The following USP17L7 variants were observed in gnomAD, a reference collection of about 807,000 sequenced individuals.
The protein encoded by USP17L7 is ubiquitin specific peptidase 17 like family member 7, also known as inactive ubiquitin carboxyl-terminal hydrolase 17-like protein 7.
A neutral mutation model predicts 37.6 loss-of-function variants in USP17L7; 53 were observed. The observed-to-expected ratio is 1.41, with a 90% CI of 1.13 to 1.77. The LOEUF is 1.77. USP17L7 is among the 40% of genes most tolerant of loss of function. The probability of loss-of-function intolerance (pLI) is 0.00; values close to 1 mark genes in which losing one functional copy is unlikely to be tolerated. For synonymous variants in USP17L7, 330 were observed against 251.0 expected (o/e 1.31, Z -2.98); for missense variants, 914 against 645.0 (o/e 1.42, Z -4.52).
Position 12,133,241 on chromosome 8 carries a change from A to G in USP17L7, c.769T>C (p.Cys257Arg), listed in dbSNP as rs771551001. Residue 257 changes from cysteine to arginine, a missense_variant, in exon 1 of 1, where the codon TGT (cysteine) becomes CGT (arginine). Cys to Arg is a radical substitution (Grantham distance 180). Transcript: ENST00000530447. Reference sequence around the variant, plus strand: ...TTGGAGGCAGGCGCCTTCTGGAGACAAAGACCACAATGATAGGCATTCTCT... The same window carrying G: ...TTGGAGGCAGGCGCCTTCTGGAGACGAAGACCACAATGATAGGCATTCTCT... The part of the protein sequence containing the change: ...NGENAYHCGL[C>R]LQKAPASKTL... 3.6e-5 allele frequency: 55 copies of G among 1,509,074 alleles called. 2 individuals carry two copies. Among genetic ancestry groups the G allele is most frequent in the Non-Finnish European group, 4.9e-5 (54 of 1,111,482 alleles). 93.5% of individuals were successfully genotyped at this position (1,509,074 alleles called of 1,614,324 possible).
Position 12,133,486 on chromosome 8 carries a change from G to A in USP17L7, c.524C>T (p.Ala175Val), listed in dbSNP as rs563967441. The A allele has an allele frequency of 5.8e-4, 857 of 1,474,076 alleles. 91 individuals carry two copies. The highest frequency in any genetic ancestry group is 6.8e-4 in the Non-Finnish European group (739 of 1,080,558). The allele number at this position is 1,474,076 out of a possible 1,614,324, so 91.3% of individuals were successfully genotyped here. Residue 175 changes from alanine (A) to valine (V), a missense_variant, in exon 1 of 1, where the codon GCA becomes GTA. Physicochemically the swap from Ala to Val is moderately conservative, Grantham distance 64 (BLOSUM62 0). Coordinates refer to ENST00000530447, the MANE Select transcript of USP17L7 (RefSeq NM_001256869.2). ...LMFTVDAMKK[A>V]CLPGHKQLDH... ...TAGCTGCTTGTGCCCGGGAAGGCAT[G>A]CCTTTTTCATGGCATCCACAGTAAA... is the stretch of plus-strand genomic sequence containing the variant.
rs554777805 is a variant in USP17L7 at position 12,134,099 on chromosome 8, C to G, written c.-90G>C. On this transcript the variant is annotated 5_prime_UTR_variant, in exon 1 of 1. Transcript: ENST00000530447. ...TCTTCCGAGAGAGTCTTCAAATGAC[C>G]AGCTCTCTGGCCGCATCAGCCCTTA... is the stretch of plus-strand genomic sequence containing the variant. The G allele has an allele frequency of 1.0e-3, 785 of 785,488 alleles. 174 individuals are homozygous for G. In the East Asian group the frequency reaches 0.018, roughly 18 times the overall value. 48.7% of individuals were successfully genotyped at this position (785,488 alleles called of 1,614,324 possible).
chr8:12,133,869 G>C lies in USP17L7; in HGVS notation c.141C>G (p.Thr47=). Reference sequence around the variant, plus strand: ...CCAAATCATCACAGAGGTCGAAACGGGTCTCAGATGAGAGTGGTGACTTTT... The same window carrying C: ...CCAAATCATCACAGAGGTCGAAACGCGTCTCAGATGAGAGTGGTGACTTTT... The part of the protein sequence containing the change: ...LSEKSPLSSE[T]RFDLCDDLAP... The change falls in exon 1 of 1, where the codon ACC becomes ACG. Residue 47 remains threonine, a synonymous_variant. Transcript: ENST00000530447. The C allele has an allele frequency of 6.6e-7, 1 of 1,519,832 alleles. No homozygotes were observed. The highest frequency in any genetic ancestry group is 8.9e-7 in the Non-Finnish European group (1 of 1,118,686). The allele number at this position is 1,519,832 out of a possible 1,614,324, so 94.1% of individuals were successfully genotyped here.
chr8:12,133,091 T>G lies in USP17L7; in HGVS notation c.919A>C (p.Met307Leu). Reference sequence around the variant, plus strand: ...AGAGGTCCTGTGTTCTGCTGAGACATGTATGGCTGCATGTCACGGCACTTA... The same window carrying G: ...AGAGGTCCTGTGTTCTGCTGAGACAGGTATGGCTGCATGTCACGGCACTTA... ...YPKCRDMQPY[M>L]SQQNTGPLVY... is the part of the protein sequence containing the mutation. The change falls in exon 1 of 1, where the codon ATG becomes CTG. Residue 307 changes from methionine to leucine, a missense_variant. Transcript: ENST00000530447. 1 of 1,484,748 alleles carries G rather than the reference T, an allele frequency of 6.7e-7. No individual in the cohort carries two copies. Among genetic ancestry groups the G allele is most frequent in the Non-Finnish European group, 9.2e-7 (1 of 1,087,632 alleles). 92.0% of individuals were successfully genotyped at this position (1,484,748 alleles called of 1,614,324 possible). A position where few individuals can be genotyped will look rare whatever the true frequency, so the allele number is the denominator to read the frequency against.
chr8:12,132,902 G>A lies in USP17L7; in HGVS notation c.1108C>T (p.Leu370Phe), dbSNP rs1306770510. Residue 370 changes from leucine (L) to phenylalanine (F), a missense_variant, in exon 1 of 1, where the codon CTC (leucine) becomes TTC (phenylalanine). Transcript: ENST00000530447. ...TSVLSQQAYV[L>F]FYIQKSEWER... is the part of the protein sequence containing the mutation. Reference sequence around the variant, plus strand: ...CATTCACTCTTCTGGATGTAAAAGAGGACATAGGCCTGTTGACTCAGGACA... The same window carrying A: ...CATTCACTCTTCTGGATGTAAAAGAAGACATAGGCCTGTTGACTCAGGACA... The A allele has an allele frequency of 7.3e-6, 11 of 1,497,782 alleles. No homozygotes were observed. The highest frequency in any genetic ancestry group is 1.8e-5 in the Admixed American group (1 of 57,068). The allele number at this position is 1,497,782 out of a possible 1,614,324, so 92.8% of individuals were successfully genotyped here.
In USP17L7 at chr8:12,133,006, T is replaced by C. The variant is rs1554472076; in HGVS notation, c.1004A>G (p.Tyr335Cys). The change falls in exon 1 of 1, where the codon TAC becomes TGC. Residue 335 changes from tyrosine to cysteine, a missense_variant. Physicochemically the swap from Tyr to Cys is radical, Grantham distance 194 (BLOSUM62 -2). Coordinates refer to ENST00000530447, the MANE Select transcript of USP17L7 (RefSeq NM_001256869.2). ...TTCTTGAGCTTTGACATAAGAGAAG[T>C]AATGTCCGTTGTGACAACTCCACCC... is the stretch of plus-strand genomic sequence containing the variant. ...HAGWSCHNGHYFSYVKAQEGQ... is the reference protein window; with the variant it reads ...HAGWSCHNGHCFSYVKAQEGQ... The C allele has an allele frequency of 6.5e-7, 1 of 1,527,386 alleles. No homozygotes were observed. Among genetic ancestry groups the C allele is most frequent in the Non-Finnish European group, 8.9e-7 (1 of 1,123,974 alleles). The allele number at this position is 1,527,386 out of a possible 1,614,324, so 94.6% of individuals were successfully genotyped here. A position where few individuals can be genotyped will look rare whatever the true frequency, so the allele number is the denominator to read the frequency against.
At position 12,133,234 on chromosome 8, in the gene USP17L7, T is replaced by G. The variant is rs778539519; in HGVS notation, c.776A>C (p.Gln259Pro). Residue 259 changes from glutamine (Q) to proline (P), a missense_variant, in exon 1 of 1, where the codon CAG becomes CCG. Physicochemically the swap from Gln to Pro is moderately conservative, Grantham distance 76. Coordinates refer to ENST00000530447, the MANE Select transcript of USP17L7 (RefSeq NM_001256869.2). ...ENAYHCGLCL[Q>P]KAPASKTLTL... The stretch of plus-strand genomic sequence containing the variant: ...TAACGTCTTGGAGGCAGGCGCCTTC[T>G]GGAGACAAAGACCACAATGATAGGC... 2 of 1,505,406 alleles carry G rather than the reference T, an allele frequency of 1.3e-6. No homozygotes were observed. Among genetic ancestry groups the G allele is most frequent in the South Asian group, 2.5e-5 (2 of 80,452 alleles). 93.3% of individuals were successfully genotyped at this position (1,505,406 alleles called of 1,614,324 possible).
Position 12,133,928 on chromosome 8 carries a change from C to A in USP17L7, c.82G>T (p.Ala28Ser). 1 of 1,415,286 alleles carries A rather than the reference C, an allele frequency of 7.1e-7. No homozygotes were observed. The highest frequency in any genetic ancestry group is 9.7e-7 in the Non-Finnish European group (1 of 1,025,728). The allele number at this position is 1,415,286 out of a possible 1,614,324, so 87.7% of individuals were successfully genotyped here. Reference sequence around the variant, plus strand: ...GAAGTCCGCTGGATTTCAGCAAAAGCTGCATCTAGCCGAGAAGATGTGAGT... The same window carrying A: ...GAAGTCCGCTGGATTTCAGCAAAAGATGCATCTAGCCGAGAAGATGTGAGT... Reference protein sequence around the residue: ...SKLTSSRLDAAFAEIQRTSLS... With the variant: ...SKLTSSRLDASFAEIQRTSLS... The change falls in exon 1 of 1, where the codon GCT (alanine) becomes TCT (serine). Residue 28 changes from alanine to serine, a missense_variant. By Grantham distance (99) the Ala-to-Ser change is moderately conservative. Coordinates refer to ENST00000530447, the MANE Select transcript of USP17L7 (RefSeq NM_001256869.2).
rs1803045659 is a variant in USP17L7, at chr8:12,133,650, G to A, written c.360C>T (p.His120=). ...SREDSQTCHL[H]KCCMFCTMQA... is the part of the protein sequence containing the mutation. ...GCATAGTACAGAACATGCAGCACTTGTGAAGATGACACGTTTGAGAGTCCT... is the reference window on the plus strand; with the variant it reads ...GCATAGTACAGAACATGCAGCACTTATGAAGATGACACGTTTGAGAGTCCT... Residue 120 remains histidine (H), a synonymous_variant, in exon 1 of 1, where the codon CAC becomes CAT. Coordinates refer to ENST00000530447, the MANE Select transcript of USP17L7 (RefSeq NM_001256869.2). 2.4e-6 allele frequency: 3 copies of A among 1,229,802 alleles called. No individual in the cohort carries two copies. The highest frequency in any genetic ancestry group is 3.5e-6 in the Non-Finnish European group (3 of 855,148). The allele number at this position is 1,229,802 out of a possible 1,614,324, so 76.2% of individuals were successfully genotyped here. A position where few individuals can be genotyped will look rare whatever the true frequency, so the allele number is the denominator to read the frequency against.
chr8:12,132,867 G>C lies in USP17L7; in HGVS notation c.1143C>G (p.His381Gln). The C allele has an allele frequency of 6.7e-7, 1 of 1,497,012 alleles. No homozygotes were observed. Among genetic ancestry groups the C allele is most frequent in the Non-Finnish European group, 9.1e-7 (1 of 1,096,338 alleles). 92.7% of individuals were successfully genotyped at this position (1,497,012 alleles called of 1,614,324 possible). Residue 381 changes from histidine (H) to glutamine (Q), a missense_variant, in exon 1 of 1, where the codon CAC becomes CAG. His to Gln is a conservative substitution (Grantham distance 24, BLOSUM62 0). Coordinates refer to ENST00000530447, the MANE Select transcript of USP17L7 (RefSeq NM_001256869.2). Reference protein sequence around the residue: ...FYIQKSEWERHSESVSRGREP... With the variant: ...FYIQKSEWERQSESVSRGREP... ...CCCTGCCTCTTGACACACTCTCACT[G>C]TGTCTTTCCCATTCACTCTTCTGGA...
rs1345817900 is a variant in USP17L7, at chr8:12,133,912, T to G, written c.98A>C (p.Gln33Pro). ...TGACTTTTCAGAGAGAGAAGTCCGC[T>G]GGATTTCAGCAAAAGCTGCATCTAG... ...SRLDAAFAEI[Q>P]RTSLSEKSPL... Residue 33 changes from glutamine to proline, a missense_variant, in exon 1 of 1, where the codon CAG (glutamine) becomes CCG (proline). By Grantham distance (76) the Gln-to-Pro change is moderately conservative. Coordinates refer to ENST00000530447, the MANE Select transcript of USP17L7 (RefSeq NM_001256869.2). The G allele has an allele frequency of 6.8e-7, 1 of 1,462,822 alleles. No homozygotes were observed. The highest frequency in any genetic ancestry group is 1.4e-5 in the African/African-American group (1 of 70,656). 90.6% of individuals were successfully genotyped at this position (1,462,822 alleles called of 1,614,324 possible). A position where few individuals can be genotyped will look rare whatever the true frequency, so the allele number is the denominator to read the frequency against.
At position 12,133,069 on chromosome 8, in the gene USP17L7, G is replaced by A. The variant is rs1802997096; in HGVS notation, c.941C>T (p.Pro314Leu). 2.7e-6 allele frequency: 4 copies of A among 1,501,744 alleles called. No homozygotes were observed. Among genetic ancestry groups the A allele is most frequent in the South Asian group, 1.3e-5 (1 of 79,872 alleles). The allele number at this position is 1,501,744 out of a possible 1,614,324, so 93.0% of individuals were successfully genotyped here. The change falls in exon 1 of 1, where the codon CCT (proline) becomes CTT (leucine). Residue 314 changes from proline to leucine, a missense_variant. Transcript: ENST00000530447. ...CACAGCATAGAGGACATAGACAAGA[G>A]GTCCTGTGTTCTGCTGAGACATGTA... ...QPYMSQQNTG[P>L]LVYVLYAVLV... is the part of the protein sequence containing the mutation.
chr8:12,134,051 G>A lies in USP17L7; in HGVS notation c.-42C>T, dbSNP rs752856962. ...ATCACAAGGTTTTTCTGCTGGGACC[G>A]CAGGTTGCAGCAAGACGCTATCTCT... On this transcript the variant is annotated 5_prime_UTR_variant, in exon 1 of 1. Coordinates refer to ENST00000530447, the MANE Select transcript of USP17L7 (RefSeq NM_001256869.2). 9.2e-5 allele frequency: 79 copies of A among 857,474 alleles called. 14 individuals carry two copies. Among genetic ancestry groups the A allele is most frequent in the South Asian group, 6.4e-4 (44 of 68,488 alleles). The allele number at this position is 857,474 out of a possible 1,614,324, so 53.1% of individuals were successfully genotyped here. A position where few individuals can be genotyped will look rare whatever the true frequency, so the allele number is the denominator to read the frequency against.
At position 12,133,087 on chromosome 8, in the gene USP17L7, G is replaced by A; in HGVS notation, c.923C>T (p.Ser308Phe). The change falls in exon 1 of 1, where the codon TCT (serine) becomes TTT (phenylalanine). Residue 308 changes from serine (S) to phenylalanine (F), a missense_variant. Ser to Phe is a radical substitution (Grantham distance 155). Transcript: ENST00000530447. ...PKCRDMQPYMSQQNTGPLVYV... is the reference protein window; with the variant it reads ...PKCRDMQPYMFQQNTGPLVYV... ...GACAAGAGGTCCTGTGTTCTGCTGA[G>A]ACATGTATGGCTGCATGTCACGGCA... 6.7e-7 allele frequency: 1 copy of A among 1,487,016 alleles called. No individual in the cohort carries two copies. The highest frequency in any genetic ancestry group is 9.2e-7 in the Non-Finnish European group (1 of 1,089,438). 92.1% of individuals were successfully genotyped at this position (1,487,016 alleles called of 1,614,324 possible). A position where few individuals can be genotyped will look rare whatever the true frequency, so the allele number is the denominator to read the frequency against.
rs774487818 is a variant in USP17L7 at position 12,133,291 on chromosome 8, A to C, written c.719T>G (p.Leu240Trp). 4 of 1,516,896 alleles carry C rather than the reference A, an allele frequency of 2.6e-6. No individual in the cohort carries two copies. In the African/African-American group the frequency reaches 4.2e-5, roughly 16 times the overall value. 94.0% of individuals were successfully genotyped at this position (1,516,896 alleles called of 1,614,324 possible). Residue 240 changes from leucine to tryptophan, a missense_variant, in exon 1 of 1, where the codon TTG (leucine) becomes TGG (tryptophan). Leu to Trp is a moderately conservative substitution (Grantham distance 61). Transcript: ENST00000530447. ...AQSVKQALEQ[L>W]VKPKELNGEN... ...TCCATTGAGTTCTTTGGGCTTCACC[A>C]ACTGTTCCAAAGCTTGCTTGACACT...
At position 12,133,002 on chromosome 8, in the gene USP17L7, G is replaced by A; in HGVS notation, c.1008C>T (p.Phe336=). ...AGWSCHNGHY[F]SYVKAQEGQW... is the part of the protein sequence containing the mutation. Reference sequence around the variant, plus strand: ...GGCCTTCTTGAGCTTTGACATAAGAGAAGTAATGTCCGTTGTGACAACTCC... The same window carrying A: ...GGCCTTCTTGAGCTTTGACATAAGAAAAGTAATGTCCGTTGTGACAACTCC... The change falls in exon 1 of 1, where the codon TTC becomes TTT. Residue 336 remains phenylalanine (F), a synonymous_variant. Coordinates refer to ENST00000530447, the MANE Select transcript of USP17L7 (RefSeq NM_001256869.2). The A allele has an allele frequency of 6.5e-7, 1 of 1,528,150 alleles. No individual in the cohort carries two copies. Among genetic ancestry groups the A allele is most frequent in the Non-Finnish European group, 8.9e-7 (1 of 1,124,440 alleles). The allele number at this position is 1,528,150 out of a possible 1,614,324, so 94.7% of individuals were successfully genotyped here.
chr8:12,133,417 C>A lies in USP17L7; in HGVS notation c.593G>T (p.Gly198Val), dbSNP rs773792880. 1.4e-5 allele frequency: 21 copies of A among 1,454,976 alleles called. No individual in the cohort carries two copies. Among genetic ancestry groups the A allele is most frequent in the Non-Finnish European group, 1.9e-5 (20 of 1,066,782 alleles). The allele number at this position is 1,454,976 out of a possible 1,614,324, so 90.1% of individuals were successfully genotyped here. A position where few individuals can be genotyped will look rare whatever the true frequency, so the allele number is the denominator to read the frequency against. ...KDTTLIHQIFGAYWRSQIKYL... is the reference protein window; with the variant it reads ...KDTTLIHQIFVAYWRSQIKYL... ...CTTGATTTGAGATCTCCAATACGCT[C>A]CAAATATTTGGTGGATGAGGGTGGT... Residue 198 changes from glycine (G) to valine (V), a missense_variant, in exon 1 of 1, where the codon GGA becomes GTA. Transcript: ENST00000530447.
Position 12,132,803 on chromosome 8 carries a change from C to T in USP17L7, c.1207G>A (p.Ala403Thr), listed in dbSNP as rs529866508. 126 of 1,517,850 alleles carry T rather than the reference C, an allele frequency of 8.3e-5. 27 individuals are homozygous for T. The East Asian group carries it at 3.0e-3, about 36-fold the overall frequency. The allele number at this position is 1,517,850 out of a possible 1,614,324, so 94.0% of individuals were successfully genotyped here. The change falls in exon 1 of 1, where the codon GCA (alanine) becomes ACA (threonine). Residue 403 changes from alanine to threonine, a missense_variant. Transcript: ENST00000530447. ...ALGAEDTDRP[A>T]TQGELKRDHP... ...TCTCTCTTGAGCTCTCCTTGCGTTG[C>T]TGGCCTGTCTGTGTCTTCAGCACCA...
At position 12,132,474 on chromosome 8, in the gene USP17L7, G is replaced by C. The variant is rs780829149; in HGVS notation, c.1536C>G (p.Thr512=). 10 of 1,452,220 alleles carry C rather than the reference G, an allele frequency of 6.9e-6. No individual in the cohort carries two copies. Among genetic ancestry groups the C allele is most frequent in the East Asian group, 2.6e-5 (1 of 38,376 alleles). 90.0% of individuals were successfully genotyped at this position (1,452,220 alleles called of 1,614,324 possible). A position where few individuals can be genotyped will look rare whatever the true frequency, so the allele number is the denominator to read the frequency against. Residue 512 remains threonine (T), a synonymous_variant, in exon 1 of 1, where the codon ACC becomes ACG. Transcript: ENST00000530447. ...TGTLASLQGS[T]RRSKGNNKHS... Reference sequence around the variant, plus strand: ...GTTTGTTATTCCCTTTGGATCTCCTGGTGCTCCCTTGCAGAGAAGCGAGTG... The same window carrying C: ...GTTTGTTATTCCCTTTGGATCTCCTCGTGCTCCCTTGCAGAGAAGCGAGTG...
Sources: gnomAD v4.1 joint callset for allele counts on GRCh38, gnomAD v4.1.1 for gene constraint, MANE v1.5 for transcripts, NCBI Gene and HGNC (gene_info 2026-07-23, HGNC 2026-07-21) for gene names.